Variants in ZBTB20 observed in about 807,000 individuals in gnomAD.
ZBTB20 encodes zinc finger and BTB domain-containing protein 20.
Under a neutral mutation model 56.9 loss-of-function variants are expected in ZBTB20, and 9 were observed. The ratio of observed to expected loss-of-function variants is 0.16; its 90% CI spans 0.10 to 0.28. The LOEUF is 0.28. Ranked by LOEUF, ZBTB20 falls within the 10% of genes least tolerant of loss-of-function variation. The probability of loss-of-function intolerance (pLI) is 1.00; values close to 1 mark genes in which losing one functional copy is unlikely to be tolerated. For synonymous variants in ZBTB20, 417 were observed against 420.7 expected, an observed-to-expected ratio of 0.99 and a Z score of 0.11; for missense variants, 655 against 1,003.0, an observed-to-expected ratio of 0.65 and a Z score of 4.69.
intron 4 of ZBTB20, among the ~76,000 whole-genome samples, chr3:114,836,043 T>C (rs1373802488): frequency 6.6e-6 from 1 of 152,166 alleles, no homozygotes; most frequent in Non-Finnish European, 1.5e-5. Flanking sequence ...ACAGCAAAGC[T>C]GCTAAAACTT....
chr3:114,902,240 G>T (rs1460545178), intron 3 of ZBTB20, among the ~76,000 whole-genome samples: 1 of 152,160 alleles, frequency 6.6e-6, no homozygotes, highest in East Asian at 1.9e-4. Flanking sequence ...ATGATGGCAA[G>T]AATAATTTAG....
At chr3:114,418,564 A>G (rs1008634500) in intron 7 of ZBTB20, among the ~76,000 whole-genome samples, 1 of 147,796 alleles carries the variant, frequency 6.8e-6, no homozygotes, top group African/African-American at 2.5e-5. Flanking sequence ...TAGAAGAAAG[A>G]CTAATAGATC....
rs1434423101 is a variant in ZBTB20, at chr3:115,005,181, A to C, written c.-506-30765T>G. On this transcript the variant is annotated intron_variant, in intron 2 of 11. Coordinates refer to ENST00000675478, the MANE Select transcript of ZBTB20 (RefSeq NM_001348800.3). ...TTAATACATTTAGAAAAGGTTTAATAGAATGTGGCTGAACCTCAATTAAAT... is the reference window on the plus strand; with the variant it reads ...TTAATACATTTAGAAAAGGTTTAATCGAATGTGGCTGAACCTCAATTAAAT... Among the ~76,000 whole-genome samples, 9 of 151,990 alleles carry C rather than the reference A, an allele frequency of 5.9e-5. No individual in the cohort carries two copies. The East Asian group carries it at 1.8e-3, about 30-fold the overall frequency.
At chr3:114,634,371 C>T (rs1166039560) in intron 6 of ZBTB20, among the ~76,000 whole-genome samples, 2 of 152,110 alleles carry the variant, frequency 1.3e-5, no homozygotes, top group Non-Finnish European at 2.9e-5. Context: ...AACAAGTAAA[C>T]ATAATTAAAT....
chr3:114,596,470 C>T (rs2056325076), intron 6 of ZBTB20, among the ~76,000 whole-genome samples: 1 of 152,004 alleles, frequency 6.6e-6, no homozygotes, highest in African/African-American at 2.4e-5. Context: ...ATGCAAGATG[C>T]CTATATATTG....
At chr3:114,558,071 G>T (rs1170141190) in intron 6 of ZBTB20, among the ~76,000 whole-genome samples, 1 of 151,922 alleles carries the variant, frequency 6.6e-6, no homozygotes, top group Admixed American at 6.6e-5. Flanking sequence ...CTTTTCTGAT[G>T]TTCATTCAAA....
intron 5 of ZBTB20, among the ~76,000 whole-genome samples, chr3:114,749,486 G>A (rs1393025148): frequency 6.6e-6 from 1 of 151,914 alleles, no homozygotes; most frequent in East Asian, 1.9e-4. Context: ...CCAGGAGGCG[G>A]AGCTTGCAGT....
At chr3:114,838,488 T>C (rs1304038723) in intron 4 of ZBTB20, among the ~76,000 whole-genome samples, 1 of 152,008 alleles carries the variant, frequency 6.6e-6, no homozygotes, top group Non-Finnish European at 1.5e-5. Context: ...TCCACAATCA[T>C]GAGGGCCTAA....
chr3:115,138,930 A>G (rs780220817), intron 1 of ZBTB20, among the ~76,000 whole-genome samples: 38 of 152,084 alleles, frequency 2.5e-4, no homozygotes, highest in Non-Finnish European at 4.6e-4. Flanking sequence ...TTCAATATGT[A>G]TACTGGGTTT....
At chr3:114,695,082 G>A (rs991033793) in intron 5 of ZBTB20, among the ~76,000 whole-genome samples, 3 of 152,026 alleles carry the variant, frequency 2.0e-5, no homozygotes, top group East Asian at 3.9e-4. Flanking sequence ...GACACAACTG[G>A]ATGGATTCTG....
chr3:114,745,988 T>C (rs2067011587), intron 5 of ZBTB20, among the ~76,000 whole-genome samples: 1 of 152,118 alleles, frequency 6.6e-6, no homozygotes, highest in South Asian at 2.1e-4. Flanking sequence ...GTAATGAGAT[T>C]GGAATGAACA....
chr3:114,920,934 G>T (rs912516026), intron 3 of ZBTB20, among the ~76,000 whole-genome samples: 1 of 151,922 alleles, frequency 6.6e-6, no homozygotes, highest in Non-Finnish European at 1.5e-5. Flanking sequence ...AAACACACAG[G>T]ATTATAAAAA....
intron 10 of ZBTB20, among the ~76,000 whole-genome samples, chr3:114,370,698 A>G (rs2082900180): frequency 6.6e-6 from 1 of 152,148 alleles, no homozygotes; most frequent in Non-Finnish European, 1.5e-5. Context: ...GCTCTTGGCC[A>G]AAGTGTTTGC....
chr3:115,016,903 A>G (rs909566141), intron 2 of ZBTB20, among the ~76,000 whole-genome samples: 5 of 151,728 alleles, frequency 3.3e-5, no homozygotes, highest in Non-Finnish European at 7.4e-5. Flanking sequence ...AGAGCCATAT[A>G]TGACAAACCC....
At chr3:114,969,697 A>G (rs990775973) in intron 3 of ZBTB20, among the ~76,000 whole-genome samples, 1 of 152,202 alleles carries the variant, frequency 6.6e-6, no homozygotes, top group African/African-American at 2.4e-5. Flanking sequence ...CAGGCAATCT[A>G]TTGGATGAGA....
rs1450842254 is a variant in ZBTB20 at position 114,859,302 on chromosome 3, TCCTTCCTTCCTTCTTG to T, written c.-417+40986_-417+41001del. ...TTCCTTCCTTTCTTCCTTCCTTCTTTCCTTCCTTCCTTCTTGCCTTCCTTCCTTTCTTCTTTCCTTT... is the reference window on the plus strand; with the variant it reads ...TTCCTTCCTTTCTTCCTTCCTTCTTTCCTTCCTTCCTTTCTTCTTTCCTTT... On this transcript the variant is annotated intron_variant, in intron 4 of 11. Coordinates refer to ENST00000675478, the MANE Select transcript of ZBTB20 (RefSeq NM_001348800.3). 2.3e-3 allele frequency among the ~76,000 whole-genome samples: 348 copies of T among 150,160 alleles called. 1 individual carries two copies. Among genetic ancestry groups the T allele is most frequent in the African/African-American group, 8.1e-3 (330 of 40,868 alleles).
intron 6 of ZBTB20, among the ~76,000 whole-genome samples, chr3:114,572,953 A>C (rs1366736532): frequency 6.6e-6 from 1 of 152,190 alleles, no homozygotes; most frequent in Non-Finnish European, 1.5e-5. Flanking sequence ...CTTCCTTGAC[A>C]TACTGTGTCC....
chr3:115,084,518 T>G (rs915412182), intron 1 of ZBTB20, among the ~76,000 whole-genome samples: 2 of 151,896 alleles, frequency 1.3e-5, no homozygotes, highest in Non-Finnish European at 2.9e-5. Context: ...GGTCAATCTG[T>G]TTTTTTAATA....
At position 115,021,341 on chromosome 3, in the gene ZBTB20, T is replaced by C. The variant is rs978890683; in HGVS notation, c.-506-46925A>G. Among the ~76,000 whole-genome samples, 5 of 150,900 alleles carry C rather than the reference T, an allele frequency of 3.3e-5. No individual in the cohort carries two copies. In the East Asian group the frequency reaches 5.8e-4, roughly 18 times the overall value. ...AGCAAGCTTACTTACTGAAAACGCA[T>C]TGTCTTTCTATAACAAGCTTACTGT... On this transcript the variant is annotated intron_variant, in intron 2 of 11. Coordinates refer to ENST00000675478, the MANE Select transcript of ZBTB20 (RefSeq NM_001348800.3).
Sources: allele counts gnomAD v4.1 joint callset (sites outside exome capture counted in the v4.1 genomes callset), GRCh38; gene constraint gnomAD v4.1.1; transcripts MANE v1.5; gene names NCBI Gene and HGNC (gene_info 2026-07-23, HGNC 2026-07-21).